The following FBXL17 variants were observed in gnomAD, a reference collection of about 807,000 sequenced individuals.
FBXL17 encodes F-box and leucine rich repeat protein 17.
A neutral mutation model predicts 66.2 loss-of-function variants in FBXL17; 22 were observed. The observed-to-expected ratio is 0.33, with a 90% CI of 0.24 to 0.47. The LOEUF is 0.47. FBXL17 is among the 20% of genes least tolerant of loss of function. The probability of loss-of-function intolerance (pLI) is 1.00; values close to 1 mark genes in which losing one functional copy is unlikely to be tolerated. For synonymous variants in FBXL17, 474 were observed against 400.5 expected (o/e 1.18, Z -2.19); for missense variants, 878 against 948.2 (o/e 0.93, Z 0.97).
At chr5:108,183,789 C>T (rs158609) in intron 6 of FBXL17, among the ~76,000 whole-genome samples, 23,925 of 152,100 alleles carry the variant, frequency 0.16, 2,009 homozygotes, top group South Asian at 0.31. Context: ...AGTAGTTCAA[C>T]GCCCACTCGT....
chr5:107,860,753 C>A lies in FBXL17; in HGVS notation c.*967G>T, dbSNP rs1004686994. On this transcript the variant is annotated 3_prime_UTR_variant, in exon 9 of 9. Transcript: ENST00000542267. Reference sequence around the variant, plus strand: ...GTCTACTTATATCTCACTCATGAATCTTCTATTAATGTGACTACCCTCTCG... The same window carrying A: ...GTCTACTTATATCTCACTCATGAATATTCTATTAATGTGACTACCCTCTCG... 1 of 152,536 alleles carries A rather than the reference C, an allele frequency of 6.6e-6. No homozygotes were observed. Among genetic ancestry groups the A allele is most frequent in the African/African-American group, 2.4e-5 (1 of 41,430 alleles). 9.4% of individuals were successfully genotyped at this position (152,536 alleles called of 1,614,324 possible). A position where few individuals can be genotyped will look rare whatever the true frequency, so the allele number is the denominator to read the frequency against.
intron 7 of FBXL17, among the ~76,000 whole-genome samples, chr5:107,902,623 T>G (rs541657435): frequency 7.1e-4 from 108 of 152,290 alleles, no homozygotes; most frequent in African/African-American, 2.5e-3. Context: ...TCAGAGGCTG[T>G]TCTCCTCCTT....
chr5:107,942,041 G>T (rs541934831), intron 7 of FBXL17, among the ~76,000 whole-genome samples: 1 of 152,184 alleles, frequency 6.6e-6, no homozygotes, highest in East Asian at 1.9e-4. Flanking sequence ...GTACCATGTT[G>T]GTCCCTGACC....
intron 7 of FBXL17, among the ~76,000 whole-genome samples, chr5:107,892,419 T>C (rs1749226596): frequency 1.3e-5 from 2 of 152,126 alleles, no homozygotes; most frequent in South Asian, 4.1e-4. Flanking sequence ...TTGGGGGAGA[T>C]TACAGGTAAT....
At chr5:107,992,289 A>G (rs1753283168) in intron 7 of FBXL17, among the ~76,000 whole-genome samples, 1 of 152,200 alleles carries the variant, frequency 6.6e-6, no homozygotes. Context: ...TGGAAAGAAA[A>G]CATATCACTA....
intron 7 of FBXL17, among the ~76,000 whole-genome samples, chr5:107,911,220 A>T (rs907196959): frequency 6.6e-6 from 1 of 152,128 alleles, no homozygotes; most frequent in African/African-American, 2.4e-5. Context: ...GATTCCAGGA[A>T]CAGACTTGTG....
At chr5:107,997,341 A>C (rs1397911470) in intron 7 of FBXL17, among the ~76,000 whole-genome samples, 1 of 152,190 alleles carries the variant, frequency 6.6e-6, no homozygotes, top group Admixed American at 6.5e-5. Context: ...TTATATGTAA[A>C]ATTGAAATGC....
rs1310665856 is a variant in FBXL17 at position 108,202,000 on chromosome 5, T to C, written c.1615-15753A>G. 2.0e-5 allele frequency among the ~76,000 whole-genome samples: 3 copies of C among 152,044 alleles called. No homozygotes were observed. In the East Asian group the frequency reaches 5.8e-4, roughly 29 times the overall value. On this transcript the variant is annotated intron_variant, in intron 5 of 8. Coordinates refer to ENST00000542267, the MANE Select transcript of FBXL17 (RefSeq NM_001163315.3). ...ACAAAAACCACAATTTACAAACAAG[T>C]GTGTGATAAACATTCAGAGTGGACT...
chr5:108,231,142 G>A (rs759864782), intron 4 of FBXL17, among the ~76,000 whole-genome samples: 2 of 152,054 alleles, frequency 1.3e-5, no homozygotes, highest in African/African-American at 4.8e-5. Context: ...CAAGCACTAC[G>A]CATAATTTTT....
chr5:107,945,294 A>G (rs1356359652), intron 7 of FBXL17, among the ~76,000 whole-genome samples: 1 of 152,198 alleles, frequency 6.6e-6, no homozygotes, highest in Non-Finnish European at 1.5e-5. Flanking sequence ...GCAATGAGAA[A>G]TGTTATACCT....
intron 4 of FBXL17, among the ~76,000 whole-genome samples, chr5:108,324,527 G>A (rs1759761802): frequency 6.6e-6 from 1 of 152,102 alleles, no homozygotes; most frequent in South Asian, 2.1e-4. Context: ...AAACAGTATG[G>A]CAGCTCCTAA....
intron 6 of FBXL17, among the ~76,000 whole-genome samples, chr5:108,110,320 C>T (rs1289960201): frequency 6.6e-6 from 1 of 152,044 alleles, no homozygotes; most frequent in Non-Finnish European, 1.5e-5. Flanking sequence ...TTTATATTAA[C>T]AACTGAAATA....
intron 3 of FBXL17, among the ~76,000 whole-genome samples, chr5:108,361,848 A>G (rs1055875564): frequency 6.6e-6 from 1 of 152,134 alleles, no homozygotes; most frequent in African/African-American, 2.4e-5. Context: ...ATAATTTGCA[A>G]ATAAGGTCTG....
chr5:107,953,165 C>T (rs191297591), intron 7 of FBXL17, among the ~76,000 whole-genome samples: 7 of 151,872 alleles, frequency 4.6e-5, no homozygotes, highest in South Asian at 2.1e-4. Flanking sequence ...CACTTTGGGA[C>T]GCCAAGGTGG....
chr5:108,324,247 C>G (rs987855950), intron 4 of FBXL17, among the ~76,000 whole-genome samples: 2 of 151,772 alleles, frequency 1.3e-5, no homozygotes, highest in Admixed American at 1.3e-4. Flanking sequence ...TGAAATAACC[C>G]AATTTTAAAA....
intron 7 of FBXL17, among the ~76,000 whole-genome samples, chr5:107,980,645 A>AATATAT (rs61438456): frequency 5.1e-5 from 4 of 79,206 alleles, no homozygotes; most frequent in African/African-American, 1.5e-4. Context: ...CCAATAAAAT[A>AATATAT]ATATATATAT....
chr5:108,158,515 G>GTGTA (rs754527173), intron 6 of FBXL17, among the ~76,000 whole-genome samples: 28 of 151,316 alleles, frequency 1.9e-4, no homozygotes, highest in Non-Finnish European at 3.7e-4. Context: ...GTGTCTGTGT[G>GTGTA]TGTGTGTGTG....
At chr5:108,296,070 A>AT (rs1758337912) in intron 4 of FBXL17, among the ~76,000 whole-genome samples, 1 of 151,908 alleles carries the variant, frequency 6.6e-6, no homozygotes, top group Non-Finnish European at 1.5e-5. Flanking sequence ...TTACACAATA[A>AT]GCTCTCTGGA....
At chr5:108,343,462 T>C (rs1288289860) in intron 4 of FBXL17, among the ~76,000 whole-genome samples, 1 of 152,166 alleles carries the variant, frequency 6.6e-6, no homozygotes, top group Non-Finnish European at 1.5e-5. Context: ...ATGTCTGGTA[T>C]TACAATTAAA....
Sources: allele counts gnomAD v4.1 joint callset (sites outside exome capture counted in the v4.1 genomes callset), GRCh38; gene constraint gnomAD v4.1.1; transcripts MANE v1.5; gene names NCBI Gene and HGNC (gene_info 2026-07-23, HGNC 2026-07-21).